AP1G1: variants seen among roughly 807,000 people sequenced by gnomAD.
The protein encoded by AP1G1 is adaptor related protein complex 1 subunit gamma 1, also known as AP-1 complex subunit gamma-1.
AP1G1 carries 7 observed loss-of-function variants against 108.3 expected under a neutral mutation model. The ratio of observed to expected loss-of-function variants is 0.06; its 90% CI spans 0.04 to 0.12. AP1G1 has a LOEUF of 0.12. Among genes scored for constraint, AP1G1 ranks in the 10% least tolerant of loss-of-function variants. The pLI, the probability that AP1G1 is intolerant of heterozygous loss-of-function variation, is 1.00. For missense variants in AP1G1, 756 were observed against 1,010.7 expected, an observed-to-expected ratio of 0.75 and a Z score of 3.42; for synonymous variants, 379 against 353.5, an observed-to-expected ratio of 1.07 and a Z score of -0.81.
intron 19 of AP1G1, among the ~76,000 whole-genome samples, chr16:71,740,597 CTT>C (rs2045607132): frequency 6.6e-6 from 1 of 152,116 alleles, no homozygotes; most frequent in African/African-American, 2.4e-5. Flanking sequence ...TAGAAATACA[CTT>C]AACATGGATT....
intron 21 of AP1G1, among the ~76,000 whole-genome samples, chr16:71,736,128 A>G (rs2045536999): frequency 1.1e-5 from 1 of 89,840 alleles, no homozygotes; most frequent in Non-Finnish European, 2.3e-5. Flanking sequence ...ATATATATAT[A>G]TATATATATA....
At chr16:71,785,575 C>CAG (rs2032171404) in intron 2 of AP1G1, among the ~76,000 whole-genome samples, 2 of 73,134 alleles carry the variant, frequency 2.7e-5, no homozygotes, top group East Asian at 8.0e-4. Flanking sequence ...AACCCTGCCT[C>CAG]AAAAAAAAAA....
chr16:71,755,760 C>T (rs1416070376), intron 12 of AP1G1, among the ~76,000 whole-genome samples: 1 of 152,000 alleles, frequency 6.6e-6, no homozygotes, highest in Non-Finnish European at 1.5e-5. Context: ...ATTCTCCTGC[C>T]TCAGCCTGCC....
chr16:71,774,358 C>G (rs913963752), intron 3 of AP1G1, 110 bp downstream of exon 3: 29 of 1,195,494 alleles, frequency 2.4e-5, no homozygotes, highest in South Asian at 8.7e-5. Flanking sequence ...GAGTCAAGAT[C>G]ACGCCACTTC....
At chr16:71,753,761 A>G (rs546067394) in intron 13 of AP1G1, 72 bp downstream of exon 13, 1 of 1,367,356 alleles carries the variant, frequency 7.3e-7, no homozygotes, top group Admixed American at 1.8e-5. Flanking sequence ...CTCCCTGACT[A>G]GAACATAAAC....
Position 71,745,209 on chromosome 16 carries a change from G to C in AP1G1, c.1934C>G (p.Pro645Arg). 1 of 1,614,144 alleles carries C rather than the reference G, an allele frequency of 6.2e-7. No individual in the cohort carries two copies. The highest frequency in any genetic ancestry group is 1.3e-5 in the African/African-American group (1 of 75,030). ...ACCAGCAGAAGATGGTTTGCTTGTA[G>C]GCGCAGTTGGAATAACAGGTGTTAT... is the stretch of plus-strand genomic sequence containing the variant. ...NDITPVIPTA[P>R]TSKPSSAGGE... The change falls in exon 19 of 23, where the codon CCT (proline) becomes CGT (arginine). Residue 645 changes from proline (P) to arginine (R), a missense_variant. By Grantham distance (103) the Pro-to-Arg change is moderately radical (BLOSUM62 -2). Around this residue, in one of 3 missense-constraint regions of AP1G1, gnomAD observed 357 missense variants for 366.5 expected, o/e 0.97. Transcript: ENST00000299980.
intron 1 of AP1G1, among the ~76,000 whole-genome samples, chr16:71,804,249 T>A (rs1011210298): frequency 2.0e-5 from 3 of 151,900 alleles, no homozygotes; most frequent in Non-Finnish European, 4.4e-5. Flanking sequence ...GGTTTAACCA[T>A]GTTGGCCAGG....
At chr16:71,789,723 TAAAAC>T (rs2032328838) in intron 1 of AP1G1, among the ~76,000 whole-genome samples, 1 of 152,004 alleles carries the variant, frequency 6.6e-6, no homozygotes, top group South Asian at 2.1e-4. Flanking sequence ...TTAAGCAAAA[TAAAAC>T]AAAGAATACA....
intron 11 of AP1G1, chr16:71,758,429 G>C (rs1285097800): frequency 5.7e-6 from 3 of 523,434 alleles, no homozygotes; most frequent in South Asian, 4.2e-5. Context: ...TTGAGTGTCA[G>C]CATTGTGACA....
chr16:71,740,013 A>C (rs1315413545), intron 19 of AP1G1, among the ~76,000 whole-genome samples: 1 of 152,230 alleles, frequency 6.6e-6, no homozygotes, highest in African/African-American at 2.4e-5. Flanking sequence ...ATACTACCTC[A>C]TGTCTACCAG....
rs1238537769 is a variant in AP1G1 at position 71,730,433 on chromosome 16, CT to C, written c.*2624del. 1 of 152,292 alleles carries C rather than the reference CT, an allele frequency of 6.6e-6. No individual in the cohort carries two copies. The allele number at this position is 152,292 out of a possible 1,614,324, so 9.4% of individuals were successfully genotyped here. ...ATCACCCCAGGGTTATCAAAACAGC[CT>C]TGGAAAATGCTCTTTCCTCACAATG... On this transcript the variant is annotated 3_prime_UTR_variant, in exon 23 of 23. Transcript: ENST00000299980.
At chr16:71,797,825 G>T (rs758504078) in intron 1 of AP1G1, among the ~76,000 whole-genome samples, 3 of 151,948 alleles carry the variant, frequency 2.0e-5, no homozygotes, top group Non-Finnish European at 2.9e-5. Context: ...TTAATACTAA[G>T]ATGACAAATT....
chr16:71,788,808 T>C (rs1022372316), intron 2 of AP1G1, among the ~76,000 whole-genome samples: 4 of 145,200 alleles, frequency 2.8e-5, no homozygotes, highest in Non-Finnish European at 6.0e-5. Context: ...ACTAAAGGCA[T>C]GCTCTACCAC....
chr16:71,781,974 T>C (rs1264733110), intron 2 of AP1G1, among the ~76,000 whole-genome samples: 1 of 152,204 alleles, frequency 6.6e-6, no homozygotes, highest in Non-Finnish European at 1.5e-5. Context: ...TTATTTCTGG[T>C]AGTCGTCTCT....
At chr16:71,759,044 A>G in intron 10 of AP1G1, 123 bp from the exon 11 acceptor site, 1 of 624,038 alleles carries the variant, frequency 1.6e-6, no homozygotes, top group South Asian at 2.0e-5. Flanking sequence ...TTTATTTAAA[A>G]GAAAGTTAGT....
chr16:71,800,807 A>T (rs1404318426), intron 1 of AP1G1, among the ~76,000 whole-genome samples: 1 of 151,908 alleles, frequency 6.6e-6, no homozygotes, highest in East Asian at 1.9e-4. Flanking sequence ...TCTCAAAAAA[A>T]AAAAAGAAAG....
Position 71,730,313 on chromosome 16 carries a change from C to G in AP1G1, c.*2745G>C, listed in dbSNP as rs2045465078. 1 of 150,486 alleles carries G rather than the reference C, an allele frequency of 6.6e-6. No homozygotes were observed. The highest frequency in any genetic ancestry group is 2.2e-4 in the South Asian group (1 of 4,460). 9.3% of individuals were successfully genotyped at this position (150,486 alleles called of 1,614,324 possible). A position where few individuals can be genotyped will look rare whatever the true frequency, so the allele number is the denominator to read the frequency against. On this transcript the variant is annotated 3_prime_UTR_variant, in exon 23 of 23. Coordinates refer to ENST00000299980, the MANE Select transcript of AP1G1 (RefSeq NM_001128.6). ...TCCTTTAGGATTCCCCGGGATGGGG[C>G]AGAAACTAGAATAGAAACGACTCTT...
chr16:71,808,415 G>A, intron 1 of AP1G1: 5 of 1,114,026 alleles, frequency 4.5e-6, no homozygotes, highest in Non-Finnish European at 5.7e-6. Context: ...ACACGCGGGG[G>A]TGGGGCCCGC....
rs1477748327 is a variant in AP1G1 at position 71,731,049 on chromosome 16, CCAA to C, written c.*2006_*2008del. ...AGACAAATTCTATTCAAGAAATCCA[CCAA>C]CATTATGTTAATCCTATCATGTTTC... On this transcript the variant is annotated 3_prime_UTR_variant, in exon 23 of 23. Transcript: ENST00000299980. 6.6e-6 allele frequency: 1 copy of C among 152,584 alleles called. No individual in the cohort carries two copies. Among genetic ancestry groups the C allele is most frequent in the Admixed American group, 6.5e-5 (1 of 15,268 alleles). 9.5% of individuals were successfully genotyped at this position (152,584 alleles called of 1,614,324 possible).
Sources: gnomAD v4.1 joint callset for allele counts (sites outside exome capture counted in the v4.1 genomes callset) on GRCh38, gnomAD v4.1.1 for gene constraint, gnomAD v4.1.1 regional missense constraint, MANE v1.5 for transcripts, NCBI Gene and HGNC (gene_info 2026-07-23, HGNC 2026-07-21) for gene names.